The following PCED1B variants were observed in gnomAD, a reference collection of about 807,000 sequenced individuals.
PCED1B encodes PC-esterase domain-containing protein 1B.
For missense variants in PCED1B, 573 were observed against 573.9 expected (o/e 1.00, Z 0.02); for synonymous variants, 251 against 246.1 (o/e 1.02, Z -0.19).
chr12:47,190,650 T>C (rs557997757), intron 2 of PCED1B, among the ~76,000 whole-genome samples: 2 of 152,360 alleles, frequency 1.3e-5, no homozygotes, highest in South Asian at 4.1e-4. Context: ...GCTTACTGGT[T>C]TCTGCGTGGC....
chr12:47,225,357 G>A (rs547270999), intron 3 of PCED1B, among the ~76,000 whole-genome samples: 1 of 152,306 alleles, frequency 6.6e-6, no homozygotes, highest in South Asian at 2.1e-4. Context: ...CCACTTTGGT[G>A]TTGTATAGGT....
chr12:47,167,933 T>G (rs1031639001), intron 2 of PCED1B, among the ~76,000 whole-genome samples: 1 of 151,976 alleles, frequency 6.6e-6, no homozygotes, highest in Non-Finnish European at 1.5e-5. Flanking sequence ...GACATTTTGA[T>G]GAGGGAAGGT....
In PCED1B at chr12:47,236,073, C is replaced by T. The variant is rs1191406819; in HGVS notation, c.1010C>T (p.Pro337Leu). 1 of 1,613,994 alleles carries T rather than the reference C, an allele frequency of 6.2e-7. No homozygotes were observed. The highest frequency in any genetic ancestry group is 8.5e-7 in the Non-Finnish European group (1 of 1,180,024). ...GGAATGCCCCGGTTCCCACAGGGTC[C>T]CCCAGATGCCTGTTTTTCCTCAGAC... ...HQGMPRFPQG[P>L]PDACFSSDHT... The change falls in exon 4 of 4, where the codon CCC becomes CTC. Residue 337 changes from proline (P) to leucine (L), a missense_variant. Coordinates refer to ENST00000546455, the MANE Select transcript of PCED1B (RefSeq NM_138371.3).
At chr12:47,212,751 C>A (rs975686599) in intron 2 of PCED1B, among the ~76,000 whole-genome samples, 5 of 152,196 alleles carry the variant, frequency 3.3e-5, no homozygotes, top group African/African-American at 1.2e-4. Context: ...ATCCCTGGAA[C>A]AAAAATGAGC....
intron 2 of PCED1B, chr12:47,209,728 C>T (rs924655963): frequency 3.3e-5 from 5 of 152,088 alleles, no homozygotes; most frequent in African/African-American, 1.2e-4. Flanking sequence ...ATGGATTTGG[C>T]TAATGTGTTT....
At chr12:47,232,389 T>C (rs1272234252) in intron 3 of PCED1B, among the ~76,000 whole-genome samples, 2 of 152,214 alleles carry the variant, frequency 1.3e-5, no homozygotes, top group Non-Finnish European at 2.9e-5. Context: ...TAATATTCTA[T>C]CTGTTTTAAT....
At chr12:47,138,974 T>C (rs1003033619) in intron 2 of PCED1B, among the ~76,000 whole-genome samples, 1 of 152,244 alleles carries the variant, frequency 6.6e-6, no homozygotes, top group Non-Finnish European at 1.5e-5. Flanking sequence ...CCTTGCTTTT[T>C]TTCTTTAAGC....
intron 3 of PCED1B, among the ~76,000 whole-genome samples, chr12:47,221,057 A>T (rs1421844317): frequency 6.6e-6 from 1 of 152,258 alleles, no homozygotes; most frequent in Non-Finnish European, 1.5e-5. Flanking sequence ...ATATTAAATG[A>T]ATTTGAAACT....
At chr12:47,205,390 C>T (rs1942882254) in intron 2 of PCED1B, among the ~76,000 whole-genome samples, 1 of 152,182 alleles carries the variant, frequency 6.6e-6, no homozygotes, top group Non-Finnish European at 1.5e-5. Flanking sequence ...ATCCTGCAGC[C>T]TCCAGCTGCA....
chr12:47,165,864 T>C (rs1387324552), intron 2 of PCED1B, among the ~76,000 whole-genome samples: 1 of 152,312 alleles, frequency 6.6e-6, no homozygotes, highest in East Asian at 1.9e-4. Context: ...GACTTTATAT[T>C]AGTAGGTGAA....
intron 1 of PCED1B, among the ~76,000 whole-genome samples, chr12:47,102,906 A>G (rs1938775331): frequency 6.6e-6 from 1 of 152,208 alleles, no homozygotes; most frequent in Non-Finnish European, 1.5e-5. Flanking sequence ...TGGTGAAGGT[A>G]ATGGTTGCTA....
chr12:47,094,182 G>A (rs974223280), intron 1 of PCED1B, among the ~76,000 whole-genome samples: 1 of 152,058 alleles, frequency 6.6e-6, no homozygotes, highest in African/African-American at 2.4e-5. Flanking sequence ...ATTATGAACT[G>A]TCTCACTTTA....
chr12:47,215,311 T>C (rs1188073940), intron 2 of PCED1B, among the ~76,000 whole-genome samples: 1 of 149,858 alleles, frequency 6.7e-6, no homozygotes, highest in African/African-American at 2.5e-5. Flanking sequence ...TGGAGTGCAA[T>C]GGGACGATTT....
chr12:47,177,946 CA>C (rs34169048), intron 2 of PCED1B, among the ~76,000 whole-genome samples: 6 of 150,494 alleles, frequency 4.0e-5, no homozygotes, highest in South Asian at 4.2e-4. Flanking sequence ...GACCCTGTCT[CA>C]AAAAAAAAGT....
At chr12:47,231,876 A>C (rs1373262210) in intron 3 of PCED1B, among the ~76,000 whole-genome samples, 2 of 152,134 alleles carry the variant, frequency 1.3e-5, no homozygotes, top group Non-Finnish European at 2.9e-5. Context: ...GAGCCCTGAA[A>C]ACACAATAGG....
intron 3 of PCED1B, among the ~76,000 whole-genome samples, chr12:47,217,203 C>T (rs1290027823): frequency 6.6e-6 from 1 of 151,846 alleles, no homozygotes; most frequent in East Asian, 1.9e-4. Flanking sequence ...AAGTTCAAGA[C>T]CAGCCTGGAC....
intron 2 of PCED1B, among the ~76,000 whole-genome samples, chr12:47,107,386 G>A (rs115825159): frequency 6.6e-6 from 1 of 152,222 alleles, no homozygotes; most frequent in African/African-American, 2.4e-5. Context: ...GAGGAGGAAG[G>A]CTTCTCTCTT....
At chr12:47,183,144 A>C (rs1395207158) in intron 2 of PCED1B, among the ~76,000 whole-genome samples, 1 of 152,204 alleles carries the variant, frequency 6.6e-6, no homozygotes, top group Admixed American at 6.5e-5. Context: ...TAGCTACCCA[A>C]TTAGGGAATG....
intron 2 of PCED1B, among the ~76,000 whole-genome samples, chr12:47,130,141 A>G (rs1486831185): frequency 1.3e-5 from 2 of 152,210 alleles, no homozygotes; most frequent in Non-Finnish European, 2.9e-5. Flanking sequence ...GTAGGAACAC[A>G]AAAAACTTTT....
Sources: gnomAD v4.1 joint callset for allele counts (sites outside exome capture counted in the v4.1 genomes callset) on GRCh38, gnomAD v4.1.1 for gene constraint, MANE v1.5 for transcripts, NCBI Gene and HGNC (gene_info 2026-07-23, HGNC 2026-07-21) for gene names.